The following FAM167A variants were observed in gnomAD, a reference collection of about 807,000 sequenced individuals.
FAM167A encodes protein FAM167A.
Under a neutral mutation model 14.9 loss-of-function variants are expected in FAM167A, and 23 were observed. That is an observed-to-expected ratio of 1.55 (90% CI 1.11 to 2.19). FAM167A has a LOEUF of 2.19. Ranked by LOEUF, FAM167A falls within the 30% of genes most tolerant of loss-of-function variation. The pLI is 0.00. For missense variants in FAM167A, 401 were observed against 281.5 expected (o/e 1.42, Z -3.04); for synonymous variants, 174 against 117.7 (o/e 1.48, Z -3.10).
chr8:11,460,786 C>CT (rs1807507693), intron 1 of FAM167A, among the ~76,000 whole-genome samples: 1 of 152,136 alleles, frequency 6.6e-6, no homozygotes, highest in Non-Finnish European at 1.5e-5. Flanking sequence ...GCTGGCTGCG[C>CT]TTGCACCCAA....
chr8:11,438,464 GAA>G (rs1361426971), intron 2 of FAM167A: 1 of 457,346 alleles, frequency 2.2e-6, no homozygotes, highest in East Asian at 6.9e-5. Flanking sequence ...AGTACAAGGT[GAA>G]GAATGCATAC....
At chr8:11,429,633 A>C (rs1031757062) in intron 2 of FAM167A, among the ~76,000 whole-genome samples, 1 of 152,214 alleles carries the variant, frequency 6.6e-6, no homozygotes, top group African/African-American at 2.4e-5. Context: ...CAGCCAGCCT[A>C]TGGCATCTGG....
intron 2 of FAM167A, among the ~76,000 whole-genome samples, chr8:11,438,940 T>C (rs1162280938): frequency 6.6e-5 from 10 of 152,166 alleles, no homozygotes; most frequent in Admixed American, 3.3e-4. Flanking sequence ...CTGGAAATGG[T>C]TGTTATGAGG....
chr8:11,469,839 C>T (rs1027210558), upstream of FAM167A, among the ~76,000 whole-genome samples: 1 of 151,602 alleles, frequency 6.6e-6, no homozygotes. Flanking sequence ...ATGATTGCAC[C>T]ACCGCACTCC....
upstream of FAM167A, among the ~76,000 whole-genome samples, chr8:11,469,476 T>C (rs6601593): frequency 0.18 from 18,940 of 107,630 alleles, 2,571 homozygotes; most frequent in African/African-American, 0.38. Context: ...CTCTCTTCCC[T>C]TTGATTCCTT....
chr8:11,438,932 G>A (rs1806243099), intron 2 of FAM167A, among the ~76,000 whole-genome samples: 1 of 152,214 alleles, frequency 6.6e-6, no homozygotes, highest in Non-Finnish European at 1.5e-5. Context: ...CCCTGTCCCT[G>A]GAAATGGTTG....
chr8:11,433,264 G>GC (rs1426969594), intron 2 of FAM167A, among the ~76,000 whole-genome samples: 2 of 152,024 alleles, frequency 1.3e-5, no homozygotes, highest in Non-Finnish European at 1.5e-5. Context: ...AGCACAAGGA[G>GC]CAACTCTATG....
At chr8:11,442,289 C>A (rs1027462179) in intron 2 of FAM167A, among the ~76,000 whole-genome samples, 4 of 152,102 alleles carry the variant, frequency 2.6e-5, no homozygotes, top group Non-Finnish European at 5.9e-5. Context: ...GAGAAGCACG[C>A]AGGAGCTTTA....
intron 1 of FAM167A, among the ~76,000 whole-genome samples, chr8:11,448,647 G>GGAGTCTGTTCTGCCATA: frequency 6.6e-6 from 1 of 152,278 alleles, no homozygotes; most frequent in South Asian, 2.1e-4. Flanking sequence ...AAAACTTAGT[G>GGAGTCTGTTCTGCCATA]GAGTCTGTTC....
intron 1 of FAM167A, chr8:11,446,747 T>G (rs1297900283): frequency 1.3e-5 from 2 of 152,082 alleles, no homozygotes. Flanking sequence ...CTCATGGGAG[T>G]CTCCTGTGCA....
At chr8:11,472,248 G>A (rs768924939), upstream of FAM167A, among the ~76,000 whole-genome samples, 1 of 152,018 alleles carries the variant, frequency 6.6e-6, no homozygotes, top group Non-Finnish European at 1.5e-5. Context: ...CCCGTATCCT[G>A]CCCCTCTCCA....
intron 2 of FAM167A, among the ~76,000 whole-genome samples, chr8:11,439,862 G>A (rs1331149191): frequency 6.6e-6 from 1 of 152,188 alleles, no homozygotes; most frequent in Non-Finnish European, 1.5e-5. Context: ...GAGGGTCCCT[G>A]CTCCCCTGTG....
chr8:11,475,119 T>G (rs921595719), intron 1 of FAM167A, among the ~76,000 whole-genome samples: 2 of 152,286 alleles, frequency 1.3e-5, no homozygotes, highest in East Asian at 1.9e-4. Flanking sequence ...GTCCAGTGGT[T>G]GCAGGAAGGG....
chr8:11,459,705 G>A (rs1227723405), intron 1 of FAM167A, among the ~76,000 whole-genome samples: 2 of 152,216 alleles, frequency 1.3e-5, no homozygotes, highest in Admixed American at 6.5e-5. Context: ...CTGGAACAGG[G>A]ATTCATTTCA....
chr8:11,424,669 GA>G (rs753694360), intron 2 of FAM167A, 33 bp from the exon 3 acceptor site: 14 of 1,609,178 alleles, frequency 8.7e-6, no homozygotes, highest in Non-Finnish European at 1.1e-5. Context: ...AGGGTCAGCA[GA>G]GAGTGGCTCG....
chr8:11,456,029 G>T (rs1267312751), intron 1 of FAM167A, among the ~76,000 whole-genome samples: 20 of 91,838 alleles, frequency 2.2e-4, no homozygotes, highest in Non-Finnish European at 4.2e-4. Flanking sequence ...TGCCCTGCTG[G>T]GTATGAGTGT....
intron 1 of FAM167A, among the ~76,000 whole-genome samples, chr8:11,455,711 G>A (rs1469692972): frequency 7.0e-6 from 1 of 142,486 alleles, no homozygotes; most frequent in Non-Finnish European, 1.5e-5. Flanking sequence ...GCTCTGCGGG[G>A]TGTATGAGTG....
In FAM167A at chr8:11,444,755, C is replaced by T. The variant is rs1471718148; in HGVS notation, c.-344G>A. The T allele has an allele frequency of 4.8e-6, 5 of 1,037,716 alleles. No individual in the cohort carries two copies. Among genetic ancestry groups the T allele is most frequent in the Non-Finnish European group, 3.5e-6 (3 of 864,200 alleles). The allele number at this position is 1,037,716 out of a possible 1,614,324, so 64.3% of individuals were successfully genotyped here. A position where few individuals can be genotyped will look rare whatever the true frequency, so the allele number is the denominator to read the frequency against. The stretch of plus-strand genomic sequence containing the variant: ...TGAACGCACTCGAAGACCAGACTGG[C>T]AGGAAGAAGGCCCAGAGCTCTCTCT... On this transcript the variant is annotated 5_prime_UTR_variant, in exon 2 of 3. Transcript: ENST00000284486.
rs139665568 is a variant in FAM167A at position 11,453,475 on chromosome 8, C to T, written c.-397-8667G>A. ...AGTATGCACTATGATTGTCCCATTACACAGATGAAGAGACCGAGGCACAGA... is the reference window on the plus strand; with the variant it reads ...AGTATGCACTATGATTGTCCCATTATACAGATGAAGAGACCGAGGCACAGA... On this transcript the variant is annotated intron_variant, in intron 1 of 2. Coordinates refer to ENST00000284486, the MANE Select transcript of FAM167A (RefSeq NM_053279.3). Among the ~76,000 whole-genome samples, 685 of 152,334 alleles carry T rather than the reference C, an allele frequency of 4.5e-3. 23 individuals are homozygous for T. The highest frequency in any genetic ancestry group is 0.043 in the Admixed American group (658 of 15,302).
Sources: allele counts gnomAD v4.1 joint callset (sites outside exome capture counted in the v4.1 genomes callset), GRCh38; gene constraint gnomAD v4.1.1; transcripts MANE v1.5; gene names NCBI Gene and HGNC (gene_info 2026-07-23, HGNC 2026-07-21).